TBK1: variants seen among roughly 807,000 people sequenced by gnomAD.
The protein encoded by TBK1 is serine/threonine-protein kinase TBK1.
TBK1 carries 37 observed loss-of-function variants against 99.9 expected under a neutral mutation model. The ratio of observed to expected loss-of-function variants is 0.37; its 90% CI spans 0.28 to 0.49. TBK1 has a LOEUF of 0.49. Ranked by LOEUF, TBK1 falls within the 20% of genes least tolerant of loss-of-function variation. TBK1 has a pLI of 0.98. For missense variants in TBK1, 644 were observed against 872.5 expected (o/e 0.74, Z 3.30); for synonymous variants, 258 against 279.8 (o/e 0.92, Z 0.78).
intron 12 of TBK1, among the ~76,000 whole-genome samples, chr12:64,488,957 A>G (rs1395169687): frequency 6.6e-6 from 1 of 152,188 alleles, no homozygotes; most frequent in African/African-American, 2.4e-5. Context: ...ATGCCACTGC[A>G]CTCCAGCCTG....
At chr12:64,466,094 TGA>T (rs1031610652) in intron 4 of TBK1, among the ~76,000 whole-genome samples, 5 of 152,138 alleles carry the variant, frequency 3.3e-5, no homozygotes, top group African/African-American at 1.2e-4. Context: ...GAGGATACAA[TGA>T]GAGAGAAACA....
At chr12:64,479,910 T>C in intron 6 of TBK1, 102 bp from the exon 7 acceptor site, 1 of 662,420 alleles carries the variant, frequency 1.5e-6, no homozygotes, top group Non-Finnish European at 2.6e-6. Flanking sequence ...TTTCATCTAG[T>C]AGATAATTGT....
At chr12:64,474,167 A>T in intron 5 of TBK1, 63 bp from the exon 6 acceptor site, 1 of 1,456,552 alleles carries the variant, frequency 6.9e-7, no homozygotes, top group East Asian at 2.3e-5. Context: ...TTGAGTATCC[A>T]TTTGTTTGTA....
At chr12:64,471,117 CT>C (rs1174140795) in intron 5 of TBK1, among the ~76,000 whole-genome samples, 1 of 152,134 alleles carries the variant, frequency 6.6e-6, no homozygotes, top group Non-Finnish European at 1.5e-5. Context: ...GTTAAATTCT[CT>C]CTCTTTTGTA....
At chr12:64,464,249 C>A in intron 3 of TBK1, 85 bp from the exon 4 acceptor site, 1 of 1,138,104 alleles carries the variant, frequency 8.8e-7, no homozygotes, top group Non-Finnish European at 1.2e-6. Context: ...GCAAATCCTA[C>A]ATTTAAATGA....
chr12:64,497,091 CAATATAAATGTATATTTGAAGT>C, intron 17 of TBK1, 41 bp downstream of exon 17: 1 of 1,582,826 alleles, frequency 6.3e-7, no homozygotes, highest in Non-Finnish European at 8.7e-7. Flanking sequence ...GTTGACTGCA[CAATATAAATGTATATTTGAAGT>C]AAGAATGCTT....
rs2040445057 is a variant in TBK1 at position 64,453,046 on chromosome 12, G to A, written c.-32+859G>A. ...CGTTTTGGACGGTGTAAGGAAGTAG[G>A]CTGAAGACGGCATCATCAGCAACAT... On this transcript the variant is annotated intron_variant, in intron 1 of 20. Transcript: ENST00000331710. 2.6e-5 allele frequency: 4 copies of A among 152,204 alleles called. No individual in the cohort carries two copies. The South Asian group carries it at 8.3e-4, about 31-fold the overall frequency. 9.4% of individuals were successfully genotyped at this position (152,204 alleles called of 1,614,324 possible). A position where few individuals can be genotyped will look rare whatever the true frequency, so the allele number is the denominator to read the frequency against.
chr12:64,474,493 C>A (rs1186117646), intron 6 of TBK1, 103 bp downstream of exon 6: 2 of 1,149,672 alleles, frequency 1.7e-6, no homozygotes, highest in Middle Eastern at 2.2e-4. Context: ...ATTGATTTAA[C>A]AATCATTTCT....
chr12:64,495,365 G>A, intron 13 of TBK1, 118 bp from the exon 14 acceptor site: 1 of 1,245,920 alleles, frequency 8.0e-7, no homozygotes, highest in Admixed American at 2.4e-5. Flanking sequence ...TAATTACTGT[G>A]CCTTTGAATT....
chr12:64,482,547 C>G (rs1262505546), intron 8 of TBK1, among the ~76,000 whole-genome samples: 1 of 152,110 alleles, frequency 6.6e-6, no homozygotes, highest in Non-Finnish European at 1.5e-5. Context: ...AAAAACTACC[C>G]ATGTGATAAA....
intron 9 of TBK1, among the ~76,000 whole-genome samples, chr12:64,484,874 A>G (rs1592369250): frequency 1.3e-5 from 2 of 152,362 alleles, no homozygotes; most frequent in South Asian, 2.1e-4. Context: ...TATAGTTGAA[A>G]GAGAGTAATT....
At position 64,496,611 on chromosome 12, in the gene TBK1, G is replaced by T. The variant is rs114050873; in HGVS notation, c.1760+205G>T. 1.6e-4 allele frequency among the ~76,000 whole-genome samples: 24 copies of T among 152,198 alleles called. No homozygotes were observed. The East Asian group carries it at 2.5e-3, about 16-fold the overall frequency. On this transcript the variant is annotated intron_variant, in intron 16 of 20. Transcript: ENST00000331710. Reference sequence around the variant, plus strand: ...GAAGTTACCATGATGGGAGAAGGAGGGGGGAGAAAGATTACCATTTCAGTC... The same window carrying T: ...GAAGTTACCATGATGGGAGAAGGAGTGGGGAGAAAGATTACCATTTCAGTC...
At chr12:64,456,684 C>T (rs75112727) in intron 2 of TBK1, among the ~76,000 whole-genome samples, 1 of 151,230 alleles carries the variant, frequency 6.6e-6, no homozygotes, top group African/African-American at 2.4e-5. Flanking sequence ...ACTAAAAATA[C>T]AAAAAAAATT....
chr12:64,464,302 G>T (rs1454010782), intron 3 of TBK1, 32 bp from the exon 4 acceptor site: 1 of 1,509,498 alleles, frequency 6.6e-7, no homozygotes, highest in Non-Finnish European at 8.9e-7. Flanking sequence ...TATTTTTTAT[G>T]TTGATTCCCA....
chr12:64,500,622 A>AAG (rs1329384386), intron 20 of TBK1, among the ~76,000 whole-genome samples: 1 of 152,148 alleles, frequency 6.6e-6, no homozygotes, highest in African/African-American at 2.4e-5. Flanking sequence ...CTTCAATTCA[A>AAG]AGAGTGTAAT....
intron 1 of TBK1, 142 bp downstream of exon 1, chr12:64,452,329 C>G (rs865832195): frequency 2.0e-5 from 3 of 152,648 alleles, no homozygotes; most frequent in African/African-American, 4.8e-5. Flanking sequence ...GCGGGCGCAC[C>G]GAGAAGCCCC....
intron 13 of TBK1, among the ~76,000 whole-genome samples, chr12:64,492,078 C>T (rs2040875558): frequency 6.6e-6 from 1 of 152,166 alleles, no homozygotes; most frequent in African/African-American, 2.4e-5. Flanking sequence ...TAGTCTTCCC[C>T]AGTATTTGTC....
intron 3 of TBK1, among the ~76,000 whole-genome samples, chr12:64,461,416 T>C (rs1008262107): frequency 6.6e-6 from 1 of 152,210 alleles, no homozygotes. Flanking sequence ...ATAAAATCTT[T>C]GGGAAAAAAT....
At chr12:64,479,978 C>A in intron 6 of TBK1, 34 bp from the exon 7 acceptor site, 1 of 1,494,108 alleles carries the variant, frequency 6.7e-7, no homozygotes, top group Admixed American at 1.9e-5. Flanking sequence ...CAAAAATGAA[C>A]TGCTTATTTT....
Sources: gnomAD v4.1 joint callset for allele counts (sites outside exome capture counted in the v4.1 genomes callset) on GRCh38, gnomAD v4.1.1 for gene constraint, MANE v1.5 for transcripts, NCBI Gene and HGNC (gene_info 2026-07-23, HGNC 2026-07-21) for gene names.